The following KCTD16 variants were observed in gnomAD, a reference collection of about 807,000 sequenced individuals.
KCTD16 encodes the protein BTB/POZ domain-containing protein KCTD16.
In KCTD16, 13 loss-of-function variants were observed where a neutral mutation model predicts 33.2. That is an observed-to-expected ratio of 0.39 (90% CI 0.25 to 0.62). KCTD16 has a LOEUF of 0.62. Ranked by LOEUF, KCTD16 falls within the 20% of genes least tolerant of loss-of-function variation. The pLI, the probability that KCTD16 is intolerant of heterozygous loss-of-function variation, is 0.50. For synonymous variants in KCTD16, 197 were observed against 195.3 expected, an observed-to-expected ratio of 1.01 and a Z score of -0.07; for missense variants, 441 against 525.1, an observed-to-expected ratio of 0.84 and a Z score of 1.57.
At position 144,477,881 on chromosome 5, in the gene KCTD16, A is replaced by G. The variant is rs1007820379; in HGVS notation, c.*3767A>G. 3 of 152,062 alleles carry G rather than the reference A, an allele frequency of 2.0e-5. No individual in the cohort carries two copies. Among genetic ancestry groups the G allele is most frequent in the African/African-American group, 4.8e-5 (2 of 41,424 alleles). The allele number at this position is 152,062 out of a possible 1,614,324, so 9.4% of individuals were successfully genotyped here. A position where few individuals can be genotyped will look rare whatever the true frequency, so the allele number is the denominator to read the frequency against. On this transcript the variant is annotated 3_prime_UTR_variant, in exon 4 of 4. Coordinates refer to ENST00000512467, the MANE Select transcript of KCTD16 (RefSeq NM_020768.4). Reference sequence around the variant, plus strand: ...CTTGGTCTTCTAGATGATCTTTACTAGAATTAATAATACTCTTTCTGTGAA... The same window carrying G: ...CTTGGTCTTCTAGATGATCTTTACTGGAATTAATAATACTCTTTCTGTGAA...
intron 3 of KCTD16, among the ~76,000 whole-genome samples, chr5:144,398,644 T>C (rs1462382792): frequency 6.6e-6 from 1 of 152,008 alleles, no homozygotes; most frequent in East Asian, 1.9e-4. Flanking sequence ...CTTCCTTCTA[T>C]AAAAAAGAGT....
At chr5:144,418,273 G>T (rs563995006) in intron 3 of KCTD16, among the ~76,000 whole-genome samples, 1 of 152,250 alleles carries the variant, frequency 6.6e-6, no homozygotes, top group East Asian at 1.9e-4. Context: ...GAAGGAGACC[G>T]AGTGGGTTGC....
intron 3 of KCTD16, among the ~76,000 whole-genome samples, chr5:144,436,705 A>G (rs1192721352): frequency 6.7e-6 from 1 of 150,202 alleles, no homozygotes; most frequent in African/African-American, 2.5e-5. Context: ...CTTCTGCCTC[A>G]CCCTCCTGAG....
chr5:144,180,741 C>A (rs541763826), intron 2 of KCTD16, among the ~76,000 whole-genome samples: 5 of 152,056 alleles, frequency 3.3e-5, no homozygotes, highest in African/African-American at 9.7e-5. Flanking sequence ...TCATGTGGTA[C>A]GGGCTTCCTC....
chr5:144,470,510 T>C (rs1346973887), intron 3 of KCTD16, among the ~76,000 whole-genome samples: 1 of 152,220 alleles, frequency 6.6e-6, no homozygotes, highest in Non-Finnish European at 1.5e-5. Flanking sequence ...TGATCCTATC[T>C]TTCTTTTTTG....
chr5:144,278,146 A>C (rs1755489500), intron 3 of KCTD16, among the ~76,000 whole-genome samples: 1 of 152,114 alleles, frequency 6.6e-6, no homozygotes, highest in Non-Finnish European at 1.5e-5. Flanking sequence ...TAAAAGTGTA[A>C]TAGTTTAACA....
intron 3 of KCTD16, among the ~76,000 whole-genome samples, chr5:144,276,517 C>T (rs1158193244): frequency 2.0e-5 from 3 of 152,156 alleles, no homozygotes; most frequent in Non-Finnish European, 4.4e-5. Context: ...TTGTTTATTT[C>T]TCCTAGTCTT....
At chr5:144,176,463 C>T (rs1395813359) in intron 2 of KCTD16, among the ~76,000 whole-genome samples, 2 of 139,396 alleles carry the variant, frequency 1.4e-5, no homozygotes, top group African/African-American at 2.6e-5. Flanking sequence ...ACTGCAGTGG[C>T]GCAATCTCGG....
intron 3 of KCTD16, among the ~76,000 whole-genome samples, chr5:144,467,302 G>A (rs896342161): frequency 3.3e-5 from 5 of 151,500 alleles, no homozygotes; most frequent in Non-Finnish European, 7.4e-5. Flanking sequence ...CTTTTTGGGT[G>A]GAAGGTTTAC....
intron 3 of KCTD16, among the ~76,000 whole-genome samples, chr5:144,325,363 T>A (rs1260311136): frequency 6.6e-6 from 1 of 152,176 alleles, no homozygotes; most frequent in Admixed American, 6.5e-5. Flanking sequence ...GTCACAAGGC[T>A]GCTTAGAGTC....
chr5:144,480,052 A>G lies in KCTD16; in HGVS notation c.*5938A>G, dbSNP rs931971736. 2 of 152,008 alleles carry G rather than the reference A, an allele frequency of 1.3e-5. No individual in the cohort carries two copies. Among genetic ancestry groups the G allele is most frequent in the Non-Finnish European group, 2.9e-5 (2 of 67,962 alleles). The allele number at this position is 152,008 out of a possible 1,614,324, so 9.4% of individuals were successfully genotyped here. A position where few individuals can be genotyped will look rare whatever the true frequency, so the allele number is the denominator to read the frequency against. On this transcript the variant is annotated 3_prime_UTR_variant, in exon 4 of 4. Transcript: ENST00000512467. Reference sequence around the variant, plus strand: ...CACAGTGAAAAATCAACATAACTTTATATTCTCTTCCTGCTGATGTGGTCT... The same window carrying G: ...CACAGTGAAAAATCAACATAACTTTGTATTCTCTTCCTGCTGATGTGGTCT...
At chr5:144,346,055 T>G (rs906004230) in intron 3 of KCTD16, among the ~76,000 whole-genome samples, 1 of 151,816 alleles carries the variant, frequency 6.6e-6, no homozygotes, top group African/African-American at 2.4e-5. Flanking sequence ...TCTGTGTCCA[T>G]GAGTTCAATT....
intron 3 of KCTD16, among the ~76,000 whole-genome samples, chr5:144,234,330 G>T (rs1021304223): frequency 6.6e-6 from 1 of 152,106 alleles, no homozygotes; most frequent in South Asian, 2.1e-4. Flanking sequence ...TAATGTTCTT[G>T]TAAGAATTGA....
chr5:144,363,253 A>C (rs1751756847), intron 3 of KCTD16, among the ~76,000 whole-genome samples: 1 of 152,112 alleles, frequency 6.6e-6, no homozygotes, highest in Non-Finnish European at 1.5e-5. Flanking sequence ...GAGGCATGAG[A>C]ATCATTTGAA....
At chr5:144,356,486 A>G (rs1751574493) in intron 3 of KCTD16, among the ~76,000 whole-genome samples, 1 of 152,164 alleles carries the variant, frequency 6.6e-6, no homozygotes, top group Admixed American at 6.6e-5. Flanking sequence ...GCAACCATTC[A>G]GAAAGATTCT....
At position 144,366,607 on chromosome 5, in the gene KCTD16, G is replaced by C. The variant is rs115237657; in HGVS notation, c.833-107053G>C. On this transcript the variant is annotated intron_variant, in intron 3 of 3. Transcript: ENST00000512467. ...GAAGCTTCAAGATGCTGCTATGCCT[G>C]TGACCCTCTTCTACGGAGCCCTGAG... Among the ~76,000 whole-genome samples, 931 of 152,260 alleles carry C rather than the reference G, an allele frequency of 6.1e-3. 7 individuals carry two copies. The highest frequency in any genetic ancestry group is 0.021 in the African/African-American group (862 of 41,552).
chr5:144,298,690 C>T (rs555822712), intron 3 of KCTD16, among the ~76,000 whole-genome samples: 4 of 152,186 alleles, frequency 2.6e-5, no homozygotes, highest in East Asian at 3.9e-4. Context: ...AACATGAGAA[C>T]ATTTAACAAG....
chr5:144,362,617 A>G (rs1185323111), intron 3 of KCTD16, among the ~76,000 whole-genome samples: 2 of 152,174 alleles, frequency 1.3e-5, no homozygotes, highest in African/African-American at 4.8e-5. Context: ...ATTATTGGTA[A>G]TTATTTTAAA....
At chr5:144,279,227 C>T (rs994530174) in intron 3 of KCTD16, among the ~76,000 whole-genome samples, 14 of 152,142 alleles carry the variant, frequency 9.2e-5, no homozygotes, top group Admixed American at 6.5e-4. Flanking sequence ...TTTATGTAGA[C>T]AAATATGTTG....
Sources: allele counts gnomAD v4.1 joint callset (sites outside exome capture counted in the v4.1 genomes callset), GRCh38; gene constraint gnomAD v4.1.1; transcripts MANE v1.5; gene names NCBI Gene and HGNC (gene_info 2026-07-23, HGNC 2026-07-21).